The following PRSS53 variants were observed in gnomAD, a reference collection of about 807,000 sequenced individuals.
PRSS53 encodes the protein serine protease 53, also known as EDTP308.
Under a neutral mutation model 62.7 loss-of-function variants are expected in PRSS53, and 54 were observed. The observed-to-expected ratio is 0.86, with a 90% CI of 0.69 to 1.08. PRSS53 has a LOEUF of 1.08. Ranked by LOEUF, PRSS53 falls within the 50% of genes least tolerant of loss-of-function variation. The pLI is 0.00. For synonymous variants in PRSS53, 273 were observed against 300.0 expected (o/e 0.91, Z 0.93); for missense variants, 688 against 728.3 (o/e 0.94, Z 0.64).
At chr16:31,086,468 G>A (rs753367469) in exon 5 of PRSS53, 24 of 1,613,584 alleles carry the variant, frequency 1.5e-5, no homozygotes, top group Non-Finnish European at 2.0e-5. Flanking sequence ...AGACGCAGGC[G>A]CAGATTGCGT....
chr16:31,086,398 T>C (rs1178327082), exon 5 of PRSS53: 3 of 1,613,998 alleles, frequency 1.9e-6, no homozygotes, highest in African/African-American at 2.7e-5. Context: ...CCGGGCCGGG[T>C]TGGACAGGTG....
chr16:31,084,247 G>GGGCCTTGGCAAGCATCTCCGA, exon 10 of PRSS53: 1 of 1,612,128 alleles, frequency 6.2e-7, no homozygotes, highest in South Asian at 1.1e-5. Context: ...CGGCCTGGCG[G>GGGCCTTGGCAAGCATCTCCGA]GGCCTTGGCA....
rs572932075 is a variant in PRSS53 at position 31,084,112 on chromosome 16, C to T, written c.1642+7G>A. The T allele has an allele frequency of 4.0e-5, 63 of 1,568,186 alleles. No homozygotes were observed. In the East Asian group the frequency reaches 1.5e-3, roughly 36 times the overall value. ...AGGGTTTGGCAGGAGGCCCCGGGGC[C>T]ACATACTTATGTTGGCCAGGCAGCT... On this transcript the variant is annotated splice_region_variant and intron_variant, in intron 10 of 10. Coordinates refer to ENST00000280606, the Ensembl canonical transcript of PRSS53.
intron 1 of PRSS53, 63 bp downstream of exon 1, chr16:31,088,689 G>T: frequency 3.1e-6 from 5 of 1,607,760 alleles, no homozygotes; most frequent in Middle Eastern, 2.1e-4. Flanking sequence ...GGGACTGCTG[G>T]GGCAGAGATG....
exon 11 of PRSS53, chr16:31,083,710 TGACAGGGTGGGGAG>T: frequency 5.0e-6 from 8 of 1,611,182 alleles, no homozygotes; most frequent in Non-Finnish European, 6.8e-6. Flanking sequence ...GAATCACACA[TGACAGGGTGGGGAG>T]GACAGGGGCA....
chr16:31,085,845 G>C, intron 6 of PRSS53, 119 bp downstream of exon 6: 1 of 885,392 alleles, frequency 1.1e-6, no homozygotes, highest in Non-Finnish European at 1.8e-6. Flanking sequence ...CCCATCCCAG[G>C]GGGTGAAAGA....
intron 6 of PRSS53, 112 bp downstream of exon 6, chr16:31,085,852 A>G (rs1596787888): frequency 2.1e-6 from 2 of 963,226 alleles, no homozygotes; most frequent in Non-Finnish European, 3.2e-6. Flanking sequence ...CAGGGGGTGA[A>G]AGAGCCCCCT....
chr16:31,088,480 A>T, intron 1 of PRSS53: 1 of 1,315,932 alleles, frequency 7.6e-7, no homozygotes, highest in Non-Finnish European at 9.7e-7. Context: ...GTCGAGGGGG[A>T]GGCAGGCACA....
chr16:31,087,909 G>C (rs749551192), intron 1 of PRSS53, 83 bp from the exon 2 acceptor site: 1 of 1,582,734 alleles, frequency 6.3e-7, no homozygotes, highest in African/African-American at 1.3e-5. Context: ...GCTGGGGGGC[G>C]GGCCCAGGGT....
At chr16:31,086,992 G>T in intron 3 of PRSS53, 94 bp from the exon 4 acceptor site, 2 of 1,316,764 alleles carry the variant, frequency 1.5e-6, no homozygotes, top group Non-Finnish European at 2.1e-6. Context: ...ATAGCAGAGA[G>T]CACTCCACGG....
Position 31,086,497 on chromosome 16 carries a change from G to C in PRSS53, c.509-6C>G, listed in dbSNP as rs1222500218. 1.2e-6 allele frequency: 2 copies of C among 1,608,722 alleles called. No homozygotes were observed. The highest frequency in any genetic ancestry group is 1.7e-5 in the Admixed American group (1 of 59,712). On this transcript the variant is annotated splice_polypyrimidine_tract_variant and splice_region_variant and intron_variant, in intron 4 of 10. Transcript: ENST00000280606. ...ATTGCGTAGGGTCCCAGGAGCTGGT[G>C]AAAGAGACGGGGCTGGGGCTAGAGT... is the stretch of plus-strand genomic sequence containing the variant.
chr16:31,086,516 C>T (rs760587193), intron 4 of PRSS53, 25 bp from the exon 5 acceptor site: 29 of 1,597,314 alleles, frequency 1.8e-5, no homozygotes, highest in Non-Finnish European at 1.8e-5. Flanking sequence ...GGGGCTGGGG[C>T]TAGAGTCTGG....
At chr16:31,088,267 T>C in intron 1 of PRSS53, 1 of 1,133,396 alleles carries the variant, frequency 8.8e-7, no homozygotes, top group South Asian at 2.3e-5. Flanking sequence ...GAGACTTACC[T>C]CACCCTGGTC....
chr16:31,088,712 CCA>C, intron 1 of PRSS53, 38 bp downstream of exon 1: 1 of 1,611,822 alleles, frequency 6.2e-7, no homozygotes, highest in East Asian at 2.2e-5. Flanking sequence ...CCCTGAGCCC[CCA>C]CCAGGCCACA....
chr16:31,087,667 G>C (rs759839134), exon 3 of PRSS53: 1 of 1,611,794 alleles, frequency 6.2e-7, no homozygotes, highest in South Asian at 1.1e-5. Flanking sequence ...CCCTCCTGAG[G>C]CTTGGGGGGG....
intron 10 of PRSS53, 131 bp downstream of exon 10, chr16:31,083,988 G>T: frequency 6.7e-7 from 1 of 1,498,484 alleles, no homozygotes; most frequent in Non-Finnish European, 8.9e-7. Flanking sequence ...ACCAGAATCT[G>T]AATCAAATGG....
chr16:31,084,795 C>A (rs770029482), exon 8 of PRSS53: 2 of 1,548,676 alleles, frequency 1.3e-6, no homozygotes, highest in Non-Finnish European at 1.7e-6. Context: ...CCTGGGCGGG[C>A]CCGTCCCAGA....
chr16:31,087,015 G>A, intron 3 of PRSS53, 117 bp from the exon 4 acceptor site: 1 of 1,146,882 alleles, frequency 8.7e-7, no homozygotes, highest in South Asian at 1.7e-5. Context: ...TTTTCTTTTT[G>A]AGGTAGGGTC....
At chr16:31,084,370 A>T (rs556565438) in intron 9 of PRSS53, 35 bp from the exon 10 acceptor site, 1 of 1,587,664 alleles carries the variant, frequency 6.3e-7, no homozygotes, top group African/African-American at 1.3e-5. Flanking sequence ...GTGACTTTTT[A>T]TAGGCAGCTG....
Sources: allele counts gnomAD v4.1 joint callset, GRCh38; gene constraint gnomAD v4.1.1; transcripts MANE v1.5; gene names NCBI Gene and HGNC (gene_info 2026-07-23, HGNC 2026-07-21).